SUMF1: variants seen among roughly 807,000 people sequenced by gnomAD.
SUMF1 encodes the protein formylglycine-generating enzyme.
SUMF1 carries 48 observed loss-of-function variants against 47.6 expected under a neutral mutation model. That is an observed-to-expected ratio of 1.01 (90% CI 0.80 to 1.28). The LOEUF is 1.28. Ranked by LOEUF, SUMF1 falls within the 50% of genes most tolerant of loss-of-function variation. The pLI is 0.00. For missense variants in SUMF1, 571 were observed against 485.4 expected, an observed-to-expected ratio of 1.18 and a Z score of -1.66; for synonymous variants, 230 against 192.1, an observed-to-expected ratio of 1.20 and a Z score of -1.63.
intron 7 of SUMF1, among the ~76,000 whole-genome samples, chr3:4,406,420 C>T (rs1305219892): frequency 1.3e-5 from 2 of 152,110 alleles, no homozygotes; most frequent in Admixed American, 6.5e-5. Flanking sequence ...CTTCGGGAGG[C>T]GGAGGCAGGT....
chr3:4,121,424 T>C lies in SUMF1; in HGVS notation c.1015-52679A>G, dbSNP rs1693538219. Among the ~76,000 whole-genome samples, 3 of 152,172 alleles carry C rather than the reference T, an allele frequency of 2.0e-5. No homozygotes were observed. The South Asian group carries it at 6.2e-4, about 32-fold the overall frequency. ...GTAATGGGTATTATAGTCTCTTTGT[T>C]TTATGTTTTTAGCAAGGCTACCAAT... On this transcript the variant is annotated intron_variant and NMD_transcript_variant, in intron 8 of 12. Coordinates refer to the SUMF1 transcript ENST00000448413.
chr3:4,094,564 G>A (rs1484600502), intron 8 of SUMF1, among the ~76,000 whole-genome samples: 1 of 152,042 alleles, frequency 6.6e-6, no homozygotes, highest in Non-Finnish European at 1.5e-5. Flanking sequence ...GTGACCATAA[G>A]TCCCAGTTTA....
At chr3:4,167,947 AT>A (rs1315155415) in intron 8 of SUMF1, among the ~76,000 whole-genome samples, 1 of 152,228 alleles carries the variant, frequency 6.6e-6, no homozygotes, top group African/African-American at 2.4e-5. Flanking sequence ...AAAGCCCAGC[AT>A]GAAGTACAGT....
chr3:4,185,133 C>T (rs1695174249), intron 8 of SUMF1, among the ~76,000 whole-genome samples: 1 of 152,176 alleles, frequency 6.6e-6, no homozygotes, highest in Non-Finnish European at 1.5e-5. Flanking sequence ...ATATCATCTT[C>T]TCATGTCTAT....
chr3:4,410,186 A>G (rs1019666293), intron 7 of SUMF1, among the ~76,000 whole-genome samples: 2 of 152,192 alleles, frequency 1.3e-5, no homozygotes, highest in African/African-American at 2.4e-5. Context: ...TTCCACACAC[A>G]TGTCCATGTA....
chr3:4,278,995 T>C (rs1436611093), intron 8 of SUMF1, among the ~76,000 whole-genome samples: 1 of 152,174 alleles, frequency 6.6e-6, no homozygotes, highest in Non-Finnish European at 1.5e-5. Flanking sequence ...GCATTTCTAA[T>C]TTTATTTTTA....
In SUMF1 at chr3:4,126,957, TGAA is replaced by T. The variant is rs749815206; in HGVS notation, c.1015-58215_1015-58213del. Among the ~76,000 whole-genome samples the T allele has an allele frequency of 7.9e-5, 12 of 152,058 alleles. 2 individuals carry two copies. Among genetic ancestry groups the T allele is most frequent in the Admixed American group, 6.5e-5 (1 of 15,282 alleles). On this transcript the variant is annotated intron_variant and NMD_transcript_variant, in intron 8 of 12. Coordinates refer to the SUMF1 transcript ENST00000448413. ...AAAGAGGGTAAATGATTCCACATCG[TGAA>T]GAAGAACAAAATTACAATAGGGTTA...
At chr3:4,056,145 G>C (rs935779613) in intron 9 of SUMF1, among the ~76,000 whole-genome samples, 1 of 151,922 alleles carries the variant, frequency 6.6e-6, no homozygotes, top group African/African-American at 2.4e-5. Context: ...CTCCTTTACC[G>C]TGTAACCTAA....
At chr3:4,072,345 C>A (rs1234991723) in intron 8 of SUMF1, among the ~76,000 whole-genome samples, 3 of 151,928 alleles carry the variant, frequency 2.0e-5, no homozygotes, top group African/African-American at 7.3e-5. Flanking sequence ...CATCAAAGAC[C>A]AAAAGTAGAT....
chr3:4,067,433 T>A (rs902908247), intron 9 of SUMF1, among the ~76,000 whole-genome samples: 1 of 152,204 alleles, frequency 6.6e-6, no homozygotes, highest in African/African-American at 2.4e-5. Flanking sequence ...CACTATTCTG[T>A]TAAGTAGCTG....
At chr3:4,281,224 C>T (rs2322678) in intron 8 of SUMF1, among the ~76,000 whole-genome samples, 43,974 of 151,912 alleles carry the variant, frequency 0.29, 7,822 homozygotes, top group East Asian at 0.6. Context: ...CACAGAAAGA[C>T]CACTCTACTT....
chr3:4,217,296 T>TA (rs1232452228), intron 8 of SUMF1, among the ~76,000 whole-genome samples: 1 of 149,428 alleles, frequency 6.7e-6, no homozygotes, highest in Non-Finnish European at 1.5e-5. Flanking sequence ...TTCTCACTCA[T>TA]AAATGGGAGT....
At chr3:4,073,975 T>C (rs1292639585) in intron 8 of SUMF1, among the ~76,000 whole-genome samples, 2 of 152,208 alleles carry the variant, frequency 1.3e-5, no homozygotes, top group Admixed American at 1.3e-4. Flanking sequence ...AAATCAGCTC[T>C]GGACCATGCG....
chr3:4,146,799 T>C (rs1694204123), intron 8 of SUMF1, among the ~76,000 whole-genome samples: 1 of 151,916 alleles, frequency 6.6e-6, no homozygotes, highest in South Asian at 2.1e-4. Context: ...TGGTTTTTTG[T>C]CCTTGCAATA....
intron 7 of SUMF1, among the ~76,000 whole-genome samples, chr3:4,408,619 G>C (rs1701445688): frequency 6.6e-6 from 1 of 152,090 alleles, no homozygotes; most frequent in Non-Finnish European, 1.5e-5. Flanking sequence ...CTTGAGGCGA[G>C]GAGTTCGAGA....
At chr3:4,409,112 A>C (rs576404327) in intron 7 of SUMF1, among the ~76,000 whole-genome samples, 4 of 152,178 alleles carry the variant, frequency 2.6e-5, no homozygotes, top group Non-Finnish European at 5.9e-5. Context: ...GTCTAGTCAC[A>C]ATGTGGCAAA....
intron 8 of SUMF1, among the ~76,000 whole-genome samples, chr3:4,116,764 A>G (rs1364393452): frequency 6.6e-6 from 1 of 152,120 alleles, no homozygotes; most frequent in African/African-American, 2.4e-5. Flanking sequence ...TAAGTACTAA[A>G]CAACTATTTA....
chr3:4,380,780 A>G (rs150750498), intron 7 of SUMF1, among the ~76,000 whole-genome samples: 1,707 of 152,318 alleles, frequency 0.011, 15 homozygotes, highest in Non-Finnish European at 0.015. Context: ...AGGTTTCTAC[A>G]TAACAGTCCC....
At chr3:4,045,856 A>G (rs1190859915) in intron 9 of SUMF1, among the ~76,000 whole-genome samples, 1 of 152,176 alleles carries the variant, frequency 6.6e-6, no homozygotes, top group African/African-American at 2.4e-5. Flanking sequence ...TATGAGGTCT[A>G]TGTTCAAACA....
Sources: gnomAD v4.1 joint callset for allele counts (sites outside exome capture counted in the v4.1 genomes callset) on GRCh38, gnomAD v4.1.1 for gene constraint, MANE v1.5 for transcripts, NCBI Gene and HGNC (gene_info 2026-07-23, HGNC 2026-07-21) for gene names.